SKIC3: variants seen among roughly 807,000 people sequenced by gnomAD.
SKIC3 encodes SKI3 subunit of superkiller complex, also known as superkiller complex protein 3.
the SKIC3 span, chr5:95,468,091 G>T: frequency 6.9e-7 from 1 of 1,447,778 alleles, no homozygotes; most frequent in Non-Finnish European, 9.5e-7. Context: ...TATTTTTGCA[G>T]ATGTAGTGTC....
the SKIC3 span, among the ~76,000 whole-genome samples, chr5:95,535,502 C>T: frequency 1.3e-5 from 2 of 151,024 alleles, no homozygotes; most frequent in Non-Finnish European, 3.0e-5. Flanking sequence ...AGTAGAGACG[C>T]GGTTTCACCG....
chr5:95,509,730 T>C, the SKIC3 span: 2 of 1,266,692 alleles, frequency 1.6e-6, no homozygotes, highest in Admixed American at 3.4e-5. Flanking sequence ...TGCCTACTGA[T>C]GGTATTAACA....
chr5:95,495,924 T>A, the SKIC3 span, among the ~76,000 whole-genome samples: 1 of 151,948 alleles, frequency 6.6e-6, no homozygotes, highest in African/African-American at 2.4e-5. Context: ...ATTAAGGACT[T>A]ACCAGGCCAA....
chr5:95,473,815 T>C, the SKIC3 span, among the ~76,000 whole-genome samples: 1 of 152,346 alleles, frequency 6.6e-6, no homozygotes, highest in African/African-American at 2.4e-5. Context: ...TATTAGATCT[T>C]TGTCAGATGC....
chr5:95,550,418 C>A, the SKIC3 span, among the ~76,000 whole-genome samples: 3 of 149,352 alleles, frequency 2.0e-5, no homozygotes, highest in South Asian at 4.2e-4. Flanking sequence ...AAAACGATAT[C>A]TTTAAATCTA....
chr5:95,513,268 C>T, the SKIC3 span: 1 of 345,750 alleles, frequency 2.9e-6, no homozygotes, highest in Admixed American at 3.9e-5. Flanking sequence ...AGTGCAATGG[C>T]ATGATCATAG....
At chr5:95,477,626 A>G in the SKIC3 span, among the ~76,000 whole-genome samples, 2 of 152,116 alleles carry the variant, frequency 1.3e-5, no homozygotes, top group African/African-American at 4.8e-5. Flanking sequence ...TCTCCAAATA[A>G]CTGCCATTAT....
the SKIC3 span, among the ~76,000 whole-genome samples, chr5:95,474,840 T>C: frequency 6.6e-6 from 1 of 152,222 alleles, no homozygotes; most frequent in African/African-American, 2.4e-5. Context: ...CTGACTGAAT[T>C]GATTAAAAGA....
chr5:95,487,990 C>A, the SKIC3 span, among the ~76,000 whole-genome samples: 6 of 151,956 alleles, frequency 3.9e-5, no homozygotes, highest in South Asian at 1.2e-3. Context: ...AGATGGATAT[C>A]ATAAGAAATA....
chr5:95,474,658 T>C, the SKIC3 span, among the ~76,000 whole-genome samples: 1 of 152,230 alleles, frequency 6.6e-6, no homozygotes, highest in Admixed American at 6.5e-5. Flanking sequence ...TGGATTTCTA[T>C]GTCAACCTCT....
At chr5:95,540,999 T>C in the SKIC3 span, among the ~76,000 whole-genome samples, 42 of 152,182 alleles carry the variant, frequency 2.8e-4, no homozygotes, top group Non-Finnish European at 3.7e-4. Context: ...GGAGTTTTGC[T>C]CTTGTTTCCC....
At chr5:95,543,742 C>T in the SKIC3 span, among the ~76,000 whole-genome samples, 2 of 152,160 alleles carry the variant, frequency 1.3e-5, no homozygotes, top group Non-Finnish European at 2.9e-5. Context: ...TGATAGTTTC[C>T]CCATATTAGA....
chr5:95,467,643 T>C, the SKIC3 span, among the ~76,000 whole-genome samples: 4 of 152,162 alleles, frequency 2.6e-5, no homozygotes, highest in African/African-American at 9.6e-5. Flanking sequence ...AAACTGTATA[T>C]TTAACCTTTA....
chr5:95,475,622 G>A, the SKIC3 span, among the ~76,000 whole-genome samples: 39 of 152,276 alleles, frequency 2.6e-4, no homozygotes, highest in South Asian at 5.0e-3. Flanking sequence ...TTTCTTTATA[G>A]CAATGCAACA....
chr5:95,486,869 C>A, the SKIC3 span, among the ~76,000 whole-genome samples: 1 of 152,220 alleles, frequency 6.6e-6, no homozygotes, highest in East Asian at 1.9e-4. Context: ...ATCACCCACA[C>A]CACGTGTGCT....
the SKIC3 span, chr5:95,494,653 G>A: frequency 5.0e-6 from 8 of 1,594,476 alleles, no homozygotes; most frequent in Admixed American, 1.7e-5. Context: ...AAAAAGAATT[G>A]GAATTAATGA....
chr5:95,496,981 A>AT, the SKIC3 span, among the ~76,000 whole-genome samples: 2 of 152,228 alleles, frequency 1.3e-5, no homozygotes, highest in African/African-American at 4.8e-5. Context: ...GTGACTTCAT[A>AT]TTTATAATTA....
the SKIC3 span, chr5:95,484,686 A>C: frequency 6.2e-7 from 1 of 1,613,694 alleles, no homozygotes; most frequent in Non-Finnish European, 8.5e-7. Flanking sequence ...CCAGTAAGAT[A>C]AGAATCCATG....
chr5:95,466,812 C>T, the SKIC3 span, among the ~76,000 whole-genome samples: 2 of 152,070 alleles, frequency 1.3e-5, no homozygotes, highest in Non-Finnish European at 2.9e-5. Flanking sequence ...AAACAAATGT[C>T]GCTTTGGGAA....
Sources: allele counts gnomAD v4.1 joint callset (sites outside exome capture counted in the v4.1 genomes callset), GRCh38; gene constraint gnomAD v4.1.1; transcripts MANE v1.5; gene names NCBI Gene and HGNC (gene_info 2026-07-23, HGNC 2026-07-21).